PTPRD: variants seen among roughly 807,000 people sequenced by gnomAD.
PTPRD encodes receptor-type tyrosine-protein phosphatase delta.
Under a neutral mutation model 214.5 loss-of-function variants are expected in PTPRD, and 34 were observed. That is an observed-to-expected ratio of 0.16 (90% CI 0.12 to 0.21). The LOEUF is 0.21. Among genes scored for constraint, PTPRD ranks in the 10% least tolerant of loss-of-function variants. The pLI, the probability that PTPRD is intolerant of heterozygous loss-of-function variation, is 1.00. For synonymous variants in PTPRD, 1,128 were observed against 845.7 expected (o/e 1.33, Z -5.79); for missense variants, 2,545 against 2,398.7 (o/e 1.06, Z -1.27).
chr9:9,748,465 T>A (rs11792450), intron 6 of PTPRD, among the ~76,000 whole-genome samples: 2 of 152,336 alleles, frequency 1.3e-5, no homozygotes, highest in South Asian at 2.1e-4. Flanking sequence ...AAAAAAGATC[T>A]GTCAATTGTG....
chr9:9,380,581 C>A (rs2061930292), intron 9 of PTPRD, among the ~76,000 whole-genome samples: 1 of 152,074 alleles, frequency 6.6e-6, no homozygotes, highest in African/African-American at 2.4e-5. Context: ...AAAGTTTGTT[C>A]ACGTGTGTTT....
At chr9:10,479,243 T>G (rs2099081613) in intron 2 of PTPRD, among the ~76,000 whole-genome samples, 1 of 152,154 alleles carries the variant, frequency 6.6e-6, no homozygotes, top group African/African-American at 2.4e-5. Flanking sequence ...CCCTGGGCGT[T>G]TACACACATG....
chr9:9,137,580 T>C (rs183862214), intron 10 of PTPRD, among the ~76,000 whole-genome samples: 23 of 152,320 alleles, frequency 1.5e-4, no homozygotes, highest in African/African-American at 5.5e-4. Flanking sequence ...ATTGAAACCA[T>C]GGATGAACTT....
chr9:10,507,475 T>G (rs544884625), intron 2 of PTPRD, among the ~76,000 whole-genome samples: 253 of 152,098 alleles, frequency 1.7e-3, no homozygotes, highest in African/African-American at 5.4e-3. Context: ...AACCAAAAAA[T>G]AGCCCGCATT....
intron 10 of PTPRD, among the ~76,000 whole-genome samples, chr9:9,177,661 T>C (rs1034416550): frequency 6.6e-6 from 1 of 151,960 alleles, no homozygotes; most frequent in African/African-American, 2.4e-5. Flanking sequence ...GCAAAAAAAA[T>C]TCCGGTAAGC....
At chr9:10,378,973 G>A (rs1469579351) in intron 2 of PTPRD, among the ~76,000 whole-genome samples, 1 of 151,686 alleles carries the variant, frequency 6.6e-6, no homozygotes, top group Non-Finnish European at 1.5e-5. Flanking sequence ...CCATTTTTTG[G>A]TGTCCTCTTC....
intron 7 of PTPRD, among the ~76,000 whole-genome samples, chr9:9,625,267 C>T (rs2095384321): frequency 6.6e-6 from 1 of 151,310 alleles, no homozygotes; most frequent in Non-Finnish European, 1.5e-5. Context: ...GGCAAGGGAG[C>T]AGAAGCACAT....
chr9:10,374,511 C>G (rs2097690816), intron 2 of PTPRD, among the ~76,000 whole-genome samples: 1 of 152,046 alleles, frequency 6.6e-6, no homozygotes, highest in African/African-American at 2.4e-5. Context: ...GAATAACTGT[C>G]TCTTTCCTGA....
intron 7 of PTPRD, among the ~76,000 whole-genome samples, chr9:9,730,413 T>C (rs1307064293): frequency 6.6e-6 from 1 of 152,114 alleles, no homozygotes; most frequent in Non-Finnish European, 1.5e-5. Context: ...TTGCTTCACT[T>C]ATTAATGACA....
chr9:10,408,397 G>A (rs1191796204), intron 2 of PTPRD, among the ~76,000 whole-genome samples: 2 of 151,520 alleles, frequency 1.3e-5, no homozygotes, highest in African/African-American at 4.8e-5. Context: ...AGAGCTGACG[G>A]TCTGTAATAA....
intron 23 of PTPRD, among the ~76,000 whole-genome samples, chr9:8,503,902 C>T (rs376495024): frequency 7.9e-5 from 12 of 152,204 alleles, no homozygotes; most frequent in Non-Finnish European, 1.3e-4. Flanking sequence ...CTTTCATTTG[C>T]GAAGCCCTCC....
intron 14 of PTPRD, among the ~76,000 whole-genome samples, chr9:8,584,504 AT>A (rs2093473729): frequency 6.6e-6 from 1 of 152,140 alleles, no homozygotes; most frequent in South Asian, 2.1e-4. Context: ...TTATTATGCC[AT>A]TCCCTCAAAA....
chr9:9,246,371 G>A (rs528623572), intron 9 of PTPRD, among the ~76,000 whole-genome samples: 14 of 152,126 alleles, frequency 9.2e-5, no homozygotes, highest in Admixed American at 8.5e-4. Flanking sequence ...ATGGACTTCA[G>A]AAAAATCACC....
intron 35 of PTPRD, among the ~76,000 whole-genome samples, chr9:8,412,516 CT>C (rs2093611710): frequency 6.6e-6 from 1 of 152,116 alleles, no homozygotes; most frequent in Admixed American, 6.6e-5. Flanking sequence ...TTCCTCACTG[CT>C]CTTTGAAAAT....
intron 11 of PTPRD, among the ~76,000 whole-genome samples, chr9:9,005,169 C>A (rs1271006339): frequency 1.3e-5 from 2 of 151,986 alleles, no homozygotes; most frequent in Non-Finnish European, 2.9e-5. Context: ...CTTAGAGGAG[C>A]TTAATAATAA....
chr9:9,195,049 T>G (rs954183409), intron 9 of PTPRD, among the ~76,000 whole-genome samples: 1 of 149,344 alleles, frequency 6.7e-6, no homozygotes, highest in East Asian at 2.0e-4. Flanking sequence ...TATATACATA[T>G]TTATACGAAT....
chr9:8,996,482 G>A (rs1363819540), intron 11 of PTPRD, among the ~76,000 whole-genome samples: 2 of 152,034 alleles, frequency 1.3e-5, no homozygotes, highest in Non-Finnish European at 2.9e-5. Context: ...GAAAGGCATT[G>A]ACTGCAAAGA....
chr9:10,287,413 C>A (rs1261640156), intron 3 of PTPRD, among the ~76,000 whole-genome samples: 1 of 152,170 alleles, frequency 6.6e-6, no homozygotes, highest in East Asian at 1.9e-4. Context: ...TATAGCATGT[C>A]ATATTCTTCC....
chr9:9,969,417 G>T (rs1039449803), intron 4 of PTPRD, among the ~76,000 whole-genome samples: 2 of 151,988 alleles, frequency 1.3e-5, no homozygotes, highest in Non-Finnish European at 2.9e-5. Context: ...GGAGATAGAG[G>T]GTACTGTAGT....
Sources: gnomAD v4.1 joint callset for allele counts (sites outside exome capture counted in the v4.1 genomes callset) on GRCh38, gnomAD v4.1.1 for gene constraint, MANE v1.5 for transcripts, NCBI Gene and HGNC (gene_info 2026-07-23, HGNC 2026-07-21) for gene names.